The following PIAS2 variants were observed in gnomAD, a reference collection of about 807,000 sequenced individuals.
PIAS2 encodes the protein protein inhibitor of activated STAT 2, also known as E3 SUMO-protein ligase PIAS2.
A neutral mutation model predicts 69.7 loss-of-function variants in PIAS2; 19 were observed. That is an observed-to-expected ratio of 0.27 (90% confidence interval 0.19 to 0.40). The LOEUF is 0.40. Among genes scored for constraint, PIAS2 ranks in the 10% least tolerant of loss-of-function variants. The pLI is 1.00. For missense variants in PIAS2, 624 were observed against 757.0 expected, an observed-to-expected ratio of 0.82 and a Z score of 2.06; for synonymous variants, 261 against 263.2, an observed-to-expected ratio of 0.99 and a Z score of 0.08.
chr18:46,886,851 A>C (rs2053286397), intron 2 of PIAS2, among the ~76,000 whole-genome samples: 1 of 152,158 alleles, frequency 6.6e-6, no homozygotes, highest in Non-Finnish European at 1.5e-5. Flanking sequence ...CCTCCAAAAA[A>C]AAACAAATAA....
chr18:46,914,687 T>C (rs1022313925), intron 1 of PIAS2, among the ~76,000 whole-genome samples: 1 of 151,724 alleles, frequency 6.6e-6, no homozygotes, highest in African/African-American at 2.4e-5. Context: ...AGCCAGGATA[T>C]GAACTGCTCT....
intron 1 of PIAS2, among the ~76,000 whole-genome samples, chr18:46,909,393 T>A (rs1335460141): frequency 6.6e-6 from 1 of 152,106 alleles, no homozygotes; most frequent in Non-Finnish European, 1.5e-5. Flanking sequence ...ACTACAGGTG[T>A]GGGCCACTAT....
intron 3 of PIAS2, among the ~76,000 whole-genome samples, chr18:46,860,107 G>A (rs1483104635): frequency 6.6e-6 from 1 of 152,228 alleles, no homozygotes; most frequent in Non-Finnish European, 1.5e-5. Flanking sequence ...GCAAAGGGGA[G>A]GGAGCTAGAA....
chr18:46,858,641 G>A (rs1440007706), intron 3 of PIAS2, among the ~76,000 whole-genome samples: 2 of 152,188 alleles, frequency 1.3e-5, no homozygotes, highest in Non-Finnish European at 2.9e-5. Context: ...AGGCTGCAGT[G>A]AGCCTTGATT....
rs1452878797 is a variant in PIAS2, at chr18:46,804,789, T to A, written c.*7644A>T. On this transcript the variant is annotated 3_prime_UTR_variant, in exon 14 of 14. Coordinates refer to ENST00000585916, the MANE Select transcript of PIAS2 (RefSeq NM_004671.5). ...TGACGCTATTGGAGCACAACTTTGG[T>A]GGGGGCAGGATCCTGCCTTGTGTTC... 6.6e-6 allele frequency: 1 copy of A among 152,204 alleles called. No individual in the cohort carries two copies. Among genetic ancestry groups the A allele is most frequent in the Non-Finnish European group, 1.5e-5 (1 of 68,058 alleles). The allele number at this position is 152,204 out of a possible 1,614,324, so 9.4% of individuals were successfully genotyped here.
At position 46,821,065 on chromosome 18, in the gene PIAS2, T is replaced by C. The variant is rs755851244; in HGVS notation, c.1516A>G (p.Met506Val). 29 of 1,613,070 alleles carry C rather than the reference T, an allele frequency of 1.8e-5. No homozygotes were observed. Among genetic ancestry groups the C allele is most frequent in the Non-Finnish European group, 2.5e-5 (29 of 1,179,478 alleles). The change falls in exon 12 of 14, where the codon ATG becomes GTG. Residue 506 changes from methionine to valine, a missense_variant. Physicochemically the swap from Met to Val is conservative, Grantham distance 21 (BLOSUM62 1). This residue lies in a region of PIAS2 where 241 missense variants were observed against 257.3 expected (regional missense o/e 0.94). Coordinates refer to ENST00000585916, the MANE Select transcript of PIAS2 (RefSeq NM_004671.5). The stretch of plus-strand genomic sequence containing the variant: ...ACCCTTACAGAAGATGGCTGATACA[T>C]GAGAACCCTGTTTTAAATAGCACGG... ...TQSSPTKGVL[M>V]YQPSSVRVPS...
chr18:46,904,578 C>T (rs1380319305), intron 1 of PIAS2, among the ~76,000 whole-genome samples: 1 of 152,078 alleles, frequency 6.6e-6, no homozygotes, highest in African/African-American at 2.4e-5. Flanking sequence ...TGGTGAAACA[C>T]CATCTCTACT....
At chr18:46,888,162 C>T (rs1445201368) in intron 2 of PIAS2, among the ~76,000 whole-genome samples, 3 of 151,840 alleles carry the variant, frequency 2.0e-5, no homozygotes, top group South Asian at 2.1e-4. Context: ...AAAACCTGTA[C>T]AATAACAACT....
At chr18:46,898,345 A>G (rs2055231028) in intron 1 of PIAS2, among the ~76,000 whole-genome samples, 1 of 151,042 alleles carries the variant, frequency 6.6e-6, no homozygotes, top group Non-Finnish European at 1.5e-5. Context: ...CAGGGTTGCC[A>G]TGTTGGCCAG....
intron 1 of PIAS2, among the ~76,000 whole-genome samples, chr18:46,913,802 CT>C (rs2057515948): frequency 6.6e-6 from 1 of 152,210 alleles, no homozygotes; most frequent in Non-Finnish European, 1.5e-5. Context: ...CTGTGCTTAG[CT>C]CTTCTACAGA....
At chr18:46,868,969 GT>G (rs2049913441) in intron 2 of PIAS2, among the ~76,000 whole-genome samples, 1 of 152,218 alleles carries the variant, frequency 6.6e-6, no homozygotes, top group Admixed American at 6.5e-5. Flanking sequence ...TGGCAACCAG[GT>G]AACTCTGTAC....
intron 8 of PIAS2, among the ~76,000 whole-genome samples, chr18:46,840,506 T>C (rs1020366231): frequency 1.3e-5 from 2 of 152,226 alleles, no homozygotes; most frequent in Non-Finnish European, 2.9e-5. Flanking sequence ...TAGGGATTGT[T>C]TTTGTCGTTT....
intron 2 of PIAS2, 91 bp from the exon 3 acceptor site, chr18:46,864,339 C>G (rs2049102328): frequency 3.9e-6 from 3 of 767,648 alleles, no homozygotes; most frequent in Non-Finnish European, 6.3e-6. Context: ...TTATAAAGTA[C>G]CTGCCAAATT....
intron 12 of PIAS2, 82 bp from the exon 13 acceptor site, chr18:46,815,431 T>G: frequency 6.3e-7 from 1 of 1,600,000 alleles, no homozygotes. Flanking sequence ...TTATCACAAA[T>G]CACAAAACAT....
Position 46,812,266 on chromosome 18 carries a change from T to C in PIAS2, c.*167A>G. 5.6e-6 allele frequency: 3 copies of C among 533,918 alleles called. No homozygotes were observed. Among genetic ancestry groups the C allele is most frequent in the Non-Finnish European group, 1.0e-5 (3 of 301,124 alleles). 33.1% of individuals were successfully genotyped at this position (533,918 alleles called of 1,614,324 possible). On this transcript the variant is annotated 3_prime_UTR_variant, in exon 14 of 14. Coordinates refer to ENST00000585916, the MANE Select transcript of PIAS2 (RefSeq NM_004671.5). ...GAAAAATCCTTGCATGTCATTTGGTTCTTGTTGCAGTCTTCTGTGTTCACC... is the reference window on the plus strand; with the variant it reads ...GAAAAATCCTTGCATGTCATTTGGTCCTTGTTGCAGTCTTCTGTGTTCACC...
intron 8 of PIAS2, among the ~76,000 whole-genome samples, chr18:46,839,903 G>A (rs938513159): frequency 2.7e-5 from 4 of 150,268 alleles, no homozygotes; most frequent in Non-Finnish European, 4.4e-5. Flanking sequence ...TGGCTCACAC[G>A]TGTAATCCCA....
intron 1 of PIAS2, among the ~76,000 whole-genome samples, chr18:46,910,271 A>G (rs2057109575): frequency 6.6e-6 from 1 of 152,202 alleles, no homozygotes. Flanking sequence ...TCATTGGTGA[A>G]GGTGGACATG....
chr18:46,879,274 T>C (rs2051778148), intron 2 of PIAS2, among the ~76,000 whole-genome samples: 1 of 152,106 alleles, frequency 6.6e-6, no homozygotes, highest in Non-Finnish European at 1.5e-5. Context: ...TCCAAGTACA[T>C]ACAAATGGCA....
chr18:46,875,239 A>G (rs2050977549), intron 2 of PIAS2, among the ~76,000 whole-genome samples: 3 of 152,212 alleles, frequency 2.0e-5, no homozygotes, highest in Admixed American at 2.0e-4. Context: ...AAGTATAAGC[A>G]TGGAGCCTTA....
Sources: allele counts gnomAD v4.1 joint callset (sites outside exome capture counted in the v4.1 genomes callset), GRCh38; gene constraint gnomAD v4.1.1; regional missense constraint gnomAD v4.1.1; transcripts MANE v1.5; gene names NCBI Gene and HGNC (gene_info 2026-07-23, HGNC 2026-07-21).